The following EYS variants were observed in gnomAD, a reference collection of about 807,000 sequenced individuals.
EYS encodes the protein EGF-like photoreceptor maintenance factor.
A neutral mutation model predicts 282.1 loss-of-function variants in EYS; 250 were observed. The ratio of observed to expected loss-of-function variants is 0.89; its 90% CI spans 0.80 to 0.98. The LOEUF is 0.98. Among genes scored for constraint, EYS ranks in the 50% least tolerant of loss-of-function variants. The pLI is 0.00. For synonymous variants in EYS, 1,355 were observed against 1,282.9 expected (o/e 1.06, Z -1.20); for missense variants, 4,016 against 3,709.0 (o/e 1.08, Z -2.15).
intron 2 of EYS, among the ~76,000 whole-genome samples, chr6:65,615,727 G>A (rs968253777): frequency 6.6e-6 from 1 of 151,960 alleles, no homozygotes; most frequent in African/African-American, 2.4e-5. Flanking sequence ...GAGGTCAGGA[G>A]ATCAAAGTCA....
chr6:64,320,053 T>G (rs1454546033), intron 29 of EYS, among the ~76,000 whole-genome samples: 4 of 151,976 alleles, frequency 2.6e-5, no homozygotes, highest in African/African-American at 9.7e-5. Context: ...CTATTTTGAG[T>G]GACATTTTTT....
At chr6:64,328,399 G>A (rs920062835) in intron 29 of EYS, among the ~76,000 whole-genome samples, 3 of 152,108 alleles carry the variant, frequency 2.0e-5, no homozygotes, top group African/African-American at 4.8e-5. Context: ...CAGTGGTATC[G>A]AGAGGCACTC....
intron 28 of EYS, among the ~76,000 whole-genome samples, chr6:64,403,531 G>C (rs920145394): frequency 6.6e-6 from 1 of 151,922 alleles, no homozygotes; most frequent in Non-Finnish European, 1.5e-5. Flanking sequence ...TAATTTTTTT[G>C]TATTTTTAAT....
chr6:64,508,845 G>T (rs1777295236), intron 26 of EYS, among the ~76,000 whole-genome samples: 1 of 151,862 alleles, frequency 6.6e-6, no homozygotes, highest in South Asian at 2.1e-4. Flanking sequence ...ACTGATCTTC[G>T]AAGAAAGGGA....
intron 22 of EYS, among the ~76,000 whole-genome samples, chr6:64,764,336 A>G (rs1773256187): frequency 6.6e-6 from 1 of 152,228 alleles, no homozygotes. Context: ...TGCAGGCCCA[A>G]CACCACGTGG....
At chr6:64,435,782 A>C (rs1338831) in intron 28 of EYS, among the ~76,000 whole-genome samples, 41,971 of 151,542 alleles carry the variant, frequency 0.28, 5,943 homozygotes, top group East Asian at 0.46. Context: ...TTAATTACTC[A>C]ATCTGGATTG....
intron 10 of EYS, among the ~76,000 whole-genome samples, chr6:65,337,009 T>A (rs1037725867): frequency 1.3e-5 from 2 of 151,540 alleles, no homozygotes; most frequent in Non-Finnish European, 3.0e-5. Flanking sequence ...CATTTTCTTT[T>A]TGGTTTTGGT....
intron 28 of EYS, among the ~76,000 whole-genome samples, chr6:64,394,513 A>G (rs1259338534): frequency 2.0e-5 from 3 of 152,200 alleles, no homozygotes; most frequent in Admixed American, 2.0e-4. Context: ...CAAACCTGAC[A>G]AAAACAAGAA....
At chr6:65,125,348 C>T (rs1775688552) in intron 12 of EYS, among the ~76,000 whole-genome samples, 1 of 152,156 alleles carries the variant, frequency 6.6e-6, no homozygotes, top group South Asian at 2.1e-4. Context: ...AAGCCCCCAT[C>T]TCAAGTAACT....
chr6:64,889,150 A>C (rs1367823242), intron 18 of EYS, among the ~76,000 whole-genome samples: 1 of 152,002 alleles, frequency 6.6e-6, no homozygotes, highest in Non-Finnish European at 1.5e-5. Flanking sequence ...ACAGTAGTTT[A>C]CTACTTAATT....
intron 13 of EYS, among the ~76,000 whole-genome samples, chr6:65,044,446 T>G (rs774556430): frequency 8.6e-5 from 13 of 151,834 alleles, no homozygotes; most frequent in Admixed American, 2.0e-4. Context: ...ATACAAAATA[T>G]CCTTGCCCAA....
intron 41 of EYS, among the ~76,000 whole-genome samples, chr6:63,739,421 C>G (rs1769016548): frequency 6.6e-6 from 1 of 152,044 alleles, no homozygotes; most frequent in African/African-American, 2.4e-5. Flanking sequence ...TTTGGAGCAC[C>G]CCTCTCTTCC....
chr6:64,091,317 T>C (rs1405063665), intron 31 of EYS, among the ~76,000 whole-genome samples: 2 of 152,190 alleles, frequency 1.3e-5, no homozygotes, highest in African/African-American at 4.8e-5. Flanking sequence ...AAGTATACTT[T>C]GTCAATGGTT....
At position 64,761,151 on chromosome 6, in the gene EYS, T is replaced by A. The variant is rs1773143834; in HGVS notation, c.3443+52227A>T. On this transcript the variant is annotated intron_variant, in intron 22 of 42. Transcript: ENST00000503581. ...ACCTAACAACTTAAAGCCATTGCAA[T>A]ATTCTCCAGGAAATTGGAAACTCAA... Among the ~76,000 whole-genome samples the A allele has an allele frequency of 2.6e-5, 4 of 152,294 alleles. No homozygotes were observed. The South Asian group carries it at 6.2e-4, about 24-fold the overall frequency.
At chr6:65,190,063 A>C (rs550340993) in intron 12 of EYS, among the ~76,000 whole-genome samples, 6 of 151,652 alleles carry the variant, frequency 4.0e-5, no homozygotes, top group South Asian at 2.1e-4. Context: ...CCTTTAAAGT[A>C]CTATTAATAA....
intron 35 of EYS, among the ~76,000 whole-genome samples, chr6:63,913,602 C>A (rs2149739310): frequency 6.6e-6 from 1 of 152,298 alleles, no homozygotes; most frequent in South Asian, 2.1e-4. Context: ...AAATGTTTGG[C>A]ATATTTCGCT....
intron 18 of EYS, among the ~76,000 whole-genome samples, chr6:64,897,937 C>A (rs766256010): frequency 1.3e-5 from 2 of 152,078 alleles, no homozygotes; most frequent in Non-Finnish European, 2.9e-5. Context: ...ACAAAGTCTC[C>A]AAGAAATATG....
At chr6:64,622,525 G>T (rs770440714) in intron 23 of EYS, among the ~76,000 whole-genome samples, 7 of 152,152 alleles carry the variant, frequency 4.6e-5, no homozygotes, top group Non-Finnish European at 8.8e-5. Flanking sequence ...TGTTCAGAAT[G>T]TTGCAGGATT....
rs150840181 is a variant in EYS, at chr6:63,783,876, T to TTG, written c.7723+4227_7723+4228dup. 8.5e-3 allele frequency among the ~76,000 whole-genome samples: 1,287 copies of TTG among 150,958 alleles called. 11 individuals carry two copies. The highest frequency in any genetic ancestry group is 0.023 in the African/African-American group (968 of 41,286). On this transcript the variant is annotated intron_variant, in intron 39 of 42. Coordinates refer to ENST00000503581, the MANE Select transcript of EYS (RefSeq NM_001142800.2). ...GGGTGCCCAGATACTTGGTCAAATA[T>TTG]TGTGTGTGTGTGTGTGTGTTAGGAT...
Sources: gnomAD v4.1 joint callset for allele counts (sites outside exome capture counted in the v4.1 genomes callset) on GRCh38, gnomAD v4.1.1 for gene constraint, MANE v1.5 for transcripts, NCBI Gene and HGNC (gene_info 2026-07-23, HGNC 2026-07-21) for gene names.